Variants in KCNMA1 observed in about 807,000 individuals in gnomAD.
KCNMA1 encodes Calcium-activated potassium channel subunit alpha-1.
Under a neutral mutation model 140.0 loss-of-function variants are expected in KCNMA1, and 29 were observed. That is an observed-to-expected ratio of 0.21 (90% CI 0.15 to 0.28). The LOEUF is 0.28. KCNMA1 is among the 10% of genes least tolerant of loss of function. The pLI is 1.00. For missense variants in KCNMA1, 880 were observed against 1,602.2 expected, an observed-to-expected ratio of 0.55 and a Z score of 7.70; for synonymous variants, 612 against 611.9, an observed-to-expected ratio of 1.00 and a Z score of 0.00.
At chr10:77,090,555 G>T in intron 9 of KCNMA1, 45 bp from the exon 10 acceptor site, 5 of 1,280,472 alleles carry the variant, frequency 3.9e-6, no homozygotes, top group Non-Finnish European at 4.6e-6. Flanking sequence ...ACCACGACAG[G>T]ACCCTGCATC....
At chr10:77,060,051 A>C (rs941320901) in intron 14 of KCNMA1, among the ~76,000 whole-genome samples, 1 of 152,202 alleles carries the variant, frequency 6.6e-6, no homozygotes, top group African/African-American at 2.4e-5. Context: ...ACACTGGGTA[A>C]AACAAGTTAA....
intron 1 of KCNMA1, among the ~76,000 whole-genome samples, chr10:77,496,172 G>T (rs2041848116): frequency 6.6e-6 from 1 of 152,068 alleles, no homozygotes; most frequent in Non-Finnish European, 1.5e-5. Flanking sequence ...CAGCACCCTG[G>T]ACTCCATTCC....
chr10:77,026,957 C>T (rs2093510926), intron 16 of KCNMA1, among the ~76,000 whole-genome samples: 1 of 152,172 alleles, frequency 6.6e-6, no homozygotes, highest in Admixed American at 6.5e-5. Flanking sequence ...CTGCACTCTA[C>T]ATTTGGGCAT....
At chr10:77,425,475 C>T (rs936872864) in intron 1 of KCNMA1, among the ~76,000 whole-genome samples, 6 of 152,132 alleles carry the variant, frequency 3.9e-5, no homozygotes, top group African/African-American at 1.4e-4. Context: ...ACATGTAGCC[C>T]ACACTCTGTT....
intron 2 of KCNMA1, among the ~76,000 whole-genome samples, chr10:77,332,069 C>T (rs1035690285): frequency 1.3e-5 from 2 of 152,084 alleles, no homozygotes; most frequent in South Asian, 4.1e-4. Flanking sequence ...CAAGACACAA[C>T]CCCTGTTGTT....
chr10:77,346,964 T>A (rs2092262544), intron 2 of KCNMA1, among the ~76,000 whole-genome samples: 1 of 152,166 alleles, frequency 6.6e-6, no homozygotes, highest in Non-Finnish European at 1.5e-5. Context: ...GCAGCCTGCA[T>A]GTGGGTCTAA....
In KCNMA1 at chr10:77,324,369, T is replaced by C. The variant is rs542116930; in HGVS notation, c.541-73113A>G. Among the ~76,000 whole-genome samples the C allele has an allele frequency of 3.2e-4, 49 of 152,288 alleles. No individual in the cohort carries two copies. In the South Asian group the frequency reaches 7.3e-3, roughly 23 times the overall value. ...GTATCCTAGTGAGAATTACATGATG[T>C]CATGCCATTAAAGTACCCAGTACCA... On this transcript the variant is annotated intron_variant, in intron 2 of 27. Coordinates refer to ENST00000286628, the MANE Select transcript of KCNMA1 (RefSeq NM_001161352.2).
At chr10:77,406,957 G>A (rs117034658) in intron 1 of KCNMA1, among the ~76,000 whole-genome samples, 1 of 152,184 alleles carries the variant, frequency 6.6e-6, no homozygotes, top group Non-Finnish European at 1.5e-5. Flanking sequence ...GGGAGGCAGG[G>A]GGGCCCTCCA....
chr10:77,185,007 T>G, intron 3 of KCNMA1, 91 bp from the exon 4 acceptor site: 1 of 814,150 alleles, frequency 1.2e-6, no homozygotes, highest in South Asian at 1.3e-5. Context: ...GTGCTTAGGG[T>G]AGACGATGAA....
At chr10:77,248,360 G>T (rs550847148) in intron 3 of KCNMA1, among the ~76,000 whole-genome samples, 1 of 152,262 alleles carries the variant, frequency 6.6e-6, no homozygotes, top group South Asian at 2.1e-4. Flanking sequence ...TCAGCATTCT[G>T]GAGGGGAGGG....
At chr10:77,406,837 G>A (rs944755336) in intron 1 of KCNMA1, among the ~76,000 whole-genome samples, 9 of 152,104 alleles carry the variant, frequency 5.9e-5, no homozygotes, top group African/African-American at 1.9e-4. Flanking sequence ...CTGGTCCCTG[G>A]CCACCACGTG....
At chr10:77,184,141 T>C (rs760650568) in intron 4 of KCNMA1, among the ~76,000 whole-genome samples, 2 of 151,956 alleles carry the variant, frequency 1.3e-5, no homozygotes, top group Admixed American at 6.6e-5. Flanking sequence ...TACTCACAAC[T>C]GCTCTCTCAG....
chr10:77,528,050 T>C (rs566872355), intron 1 of KCNMA1, among the ~76,000 whole-genome samples: 1 of 152,100 alleles, frequency 6.6e-6, no homozygotes, highest in Non-Finnish European at 1.5e-5. Context: ...GCTTAACCAC[T>C]CTGTGCCTGC....
At chr10:76,881,949 G>A (rs1265436038), downstream of KCNMA1, among the ~76,000 whole-genome samples, 1 of 152,092 alleles carries the variant, frequency 6.6e-6, no homozygotes, top group Non-Finnish European at 1.5e-5. Flanking sequence ...GACTCACCAG[G>A]CATCCTATCC....
chr10:77,084,778 G>A, intron 11 of KCNMA1, 59 bp from the exon 12 acceptor site: 3 of 1,209,090 alleles, frequency 2.5e-6, no homozygotes, highest in South Asian at 1.2e-5. Flanking sequence ...ATGCTCGAGT[G>A]TAGTCTCTCT....
chr10:76,971,799 A>G (rs1351851731), intron 19 of KCNMA1, among the ~76,000 whole-genome samples: 7 of 152,196 alleles, frequency 4.6e-5, no homozygotes, highest in African/African-American at 1.7e-4. Flanking sequence ...TAAAAGATTA[A>G]AGGAAATAAA....
chr10:77,502,295 G>T (rs2044210575), intron 1 of KCNMA1, among the ~76,000 whole-genome samples: 2 of 152,236 alleles, frequency 1.3e-5, no homozygotes, highest in South Asian at 2.1e-4. Flanking sequence ...TACACCTCTT[G>T]TCTTGCTTCA....
At chr10:77,334,874 C>T (rs149149704) in intron 2 of KCNMA1, among the ~76,000 whole-genome samples, 2 of 152,146 alleles carry the variant, frequency 1.3e-5, no homozygotes, top group African/African-American at 2.4e-5. Context: ...ATAATTTCAA[C>T]ATGTATCCAA....
At chr10:77,491,372 T>C (rs2039783762) in intron 1 of KCNMA1, among the ~76,000 whole-genome samples, 1 of 152,120 alleles carries the variant, frequency 6.6e-6, no homozygotes, top group African/African-American at 2.4e-5. Flanking sequence ...TGAGTGGGGC[T>C]GCCACATTGT....
Sources: gnomAD v4.1 joint callset for allele counts (sites outside exome capture counted in the v4.1 genomes callset) on GRCh38, gnomAD v4.1.1 for gene constraint, MANE v1.5 for transcripts, NCBI Gene and HGNC (gene_info 2026-07-23, HGNC 2026-07-21) for gene names.